MAP3K4: variants seen among roughly 807,000 people sequenced by gnomAD.
The protein encoded by MAP3K4 is mitogen-activated protein kinase kinase kinase 4.
A neutral mutation model predicts 185.6 loss-of-function variants in MAP3K4; 67 were observed. The observed-to-expected ratio is 0.36, with a 90% confidence interval of 0.30 to 0.44. MAP3K4 has a LOEUF of 0.44. MAP3K4 is among the 20% of genes least tolerant of loss of function. The pLI is 1.00. For missense variants in MAP3K4, 1,551 were observed against 1,995.1 expected, an observed-to-expected ratio of 0.78 and a Z score of 4.24; for synonymous variants, 702 against 710.4, an observed-to-expected ratio of 0.99 and a Z score of 0.19.
chr6:161,022,154 C>T lies in MAP3K4; in HGVS notation c.153-12105C>T, dbSNP rs369797486. 6 of 152,332 alleles carry T rather than the reference C, an allele frequency of 3.9e-5. No homozygotes were observed. The East Asian group carries it at 7.7e-4, about 20-fold the overall frequency. 9.4% of individuals were successfully genotyped at this position (152,332 alleles called of 1,614,324 possible). ...ATGTGAAAGGAACGGAGACTCAAGC[C>T]TGATCTGATGAGGCTGTGTTAGAAG... On this transcript the variant is annotated intron_variant, in intron 1 of 26. Coordinates refer to ENST00000392142, the MANE Select transcript of MAP3K4 (RefSeq NM_005922.4). This position sits in a 1 kb window ranked among gnomAD's most constrained non-coding sequence, Gnocchi z 4.2.
intron 18 of MAP3K4, among the ~76,000 whole-genome samples, chr6:161,102,448 GTA>G (rs1464604469): frequency 1.3e-5 from 2 of 152,062 alleles, no homozygotes; most frequent in Non-Finnish European, 2.9e-5. Flanking sequence ...TTTTTGCACA[GTA>G]TTCTGTTGTC....
In MAP3K4 at chr6:161,087,016, G is replaced by T. The variant is rs1583214723; in HGVS notation, c.2556+349G>T. Among the ~76,000 whole-genome samples the T allele has an allele frequency of 6.6e-6, 1 of 152,090 alleles. No homozygotes were observed. On this transcript the variant is annotated intron_variant, in intron 9 of 26. Coordinates refer to ENST00000392142, the MANE Select transcript of MAP3K4 (RefSeq NM_005922.4). The surrounding 1 kb of genome is among the most constrained non-coding windows in gnomAD (Gnocchi z 4.9). ...TTATATTTCCTGATGCAGTTCAAAG[G>T]TTTTACAGTGAATCTTTGACATCAA...
At chr6:161,092,897 A>G in intron 13 of MAP3K4, 81 bp from the exon 14 acceptor site, 1 of 766,346 alleles carries the variant, frequency 1.3e-6, no homozygotes, top group Non-Finnish European at 2.2e-6. Context: ...TAATTATGTT[A>G]CTTTTCAGTA....
At position 161,042,503 on chromosome 6, in the gene MAP3K4, A is replaced by G. The variant is rs374184053; in HGVS notation, c.344-6113A>G. Among the ~76,000 whole-genome samples, 9 of 152,272 alleles carry G rather than the reference A, an allele frequency of 5.9e-5. No individual in the cohort carries two copies. In the East Asian group the frequency reaches 1.7e-3, roughly 29 times the overall value. On this transcript the variant is annotated intron_variant, in intron 2 of 26. Transcript: ENST00000392142. Reference sequence around the variant, plus strand: ...TGTGGTGAGTGTTAAGTTTAACACCACAGGAGCTAGCTGCGGTGTTATTTG... The same window carrying G: ...TGTGGTGAGTGTTAAGTTTAACACCGCAGGAGCTAGCTGCGGTGTTATTTG...
chr6:161,017,753 A>G lies in MAP3K4; in HGVS notation c.153-16506A>G, dbSNP rs1046656445. 2.0e-5 allele frequency among the ~76,000 whole-genome samples: 3 copies of G among 152,190 alleles called. No individual in the cohort carries two copies. Among genetic ancestry groups the G allele is most frequent in the African/African-American group, 7.2e-5 (3 of 41,460 alleles). On this transcript the variant is annotated intron_variant, in intron 1 of 26. Transcript: ENST00000392142. The surrounding 1 kb of genome is among the most constrained non-coding windows in gnomAD (Gnocchi z 5.1). ...TTCCTTTCTCCTTTGCTTCCTAAAGACACTGCTGTGTGATCCTATTATATA... is the reference window on the plus strand; with the variant it reads ...TTCCTTTCTCCTTTGCTTCCTAAAGGCACTGCTGTGTGATCCTATTATATA...
At position 161,117,168 on chromosome 6, in the gene MAP3K4, G is replaced by A. The variant is rs928330709; in HGVS notation, c.*298G>A. 1.4e-4 allele frequency: 51 copies of A among 368,228 alleles called. No individual in the cohort carries two copies. Among genetic ancestry groups the A allele is most frequent in the African/African-American group, 9.4e-4 (45 of 48,056 alleles). The allele number at this position is 368,228 out of a possible 1,614,324, so 22.8% of individuals were successfully genotyped here. ...CGCGACTGAGAACCGTGACATCAGC[G>A]TAGTGTTTTGACCTTTCTAGGTTCA... is the stretch of plus-strand genomic sequence containing the variant. On this transcript the variant is annotated 3_prime_UTR_variant, in exon 27 of 27. Coordinates refer to ENST00000392142, the MANE Select transcript of MAP3K4 (RefSeq NM_005922.4).
At chr6:161,099,791 A>G (rs1373010574) in intron 17 of MAP3K4, among the ~76,000 whole-genome samples, 1 of 152,182 alleles carries the variant, frequency 6.6e-6, no homozygotes, top group Admixed American at 6.5e-5. Flanking sequence ...GTTTTAAGGC[A>G]TTTGTAAGTT....
rs776767870 is a variant in MAP3K4, at chr6:161,112,744, G to T, written c.4596G>T (p.Gly1532=). 5 of 1,607,824 alleles carry T rather than the reference G, an allele frequency of 3.1e-6. No homozygotes were observed. Among genetic ancestry groups the T allele is most frequent in the Non-Finnish European group, 4.2e-6 (5 of 1,177,728 alleles). ...HGRAADIWSL[G]CVVIEMVTGK... is the part of the protein sequence containing the mutation. ...GTGCGGCCGACATCTGGAGTCTGGG[G>T]TGTGTTGTCATAGAGATGGTGACTG... The change falls in exon 25 of 27, where the codon GGG becomes GGT. Residue 1532 remains glycine (G), a synonymous_variant. Transcript: ENST00000392142. This position sits in a 1 kb window ranked among gnomAD's most constrained non-coding sequence, Gnocchi z 5.1.
In MAP3K4 at chr6:161,087,609, C is replaced by G; in HGVS notation, c.2557-79C>G. On this transcript the variant is annotated intron_variant, in intron 9 of 26. Coordinates refer to ENST00000392142, the MANE Select transcript of MAP3K4 (RefSeq NM_005922.4). This position sits in a 1 kb window ranked among gnomAD's most constrained non-coding sequence, Gnocchi z 4.9. ...CTTTCCCTTTCCCAAACCTGCCTCT[C>G]CTTTCCTAGGTTTGTTTTAAATAAC... 1 of 1,487,530 alleles carries G rather than the reference C, an allele frequency of 6.7e-7. No homozygotes were observed. Among genetic ancestry groups the G allele is most frequent in the Non-Finnish European group, 9.2e-7 (1 of 1,081,712 alleles). The allele number at this position is 1,487,530 out of a possible 1,614,324, so 92.1% of individuals were successfully genotyped here.
chr6:161,027,007 T>G (rs983716196), intron 1 of MAP3K4, among the ~76,000 whole-genome samples: 3 of 152,184 alleles, frequency 2.0e-5, no homozygotes, highest in Non-Finnish European at 4.4e-5. Context: ...TTTTATTTAG[T>G]TCAGGACCGA....
chr6:161,094,421 A>G (rs965629793), intron 15 of MAP3K4, among the ~76,000 whole-genome samples: 11 of 152,246 alleles, frequency 7.2e-5, no homozygotes, highest in African/African-American at 2.4e-4. Context: ...ACAATTTTAC[A>G]GTAACAATGA....
chr6:161,033,842 C>T (rs1783037396), intron 1 of MAP3K4, among the ~76,000 whole-genome samples: 1 of 152,216 alleles, frequency 6.6e-6, no homozygotes, highest in Admixed American at 6.5e-5. Context: ...CAGGACTGAA[C>T]TTGCCCACTC....
chr6:161,101,905 C>T lies in MAP3K4; in HGVS notation c.3688C>T (p.Pro1230Ser). ...SAHDTRGSSV[P>S]ENDRLASIAA... ...ATATTAAAACAGGGGTTCCAGCGTT[C>T]CTGAAAATGATCGATTGGCTTCCAT... is the stretch of plus-strand genomic sequence containing the variant. The change falls in exon 18 of 27, where the codon CCT (proline) becomes TCT (serine). Residue 1230 changes from proline (P) to serine (S), a missense_variant. By Grantham distance (74) the Pro-to-Ser change is moderately conservative (BLOSUM62 -1). Around this residue, in one of 16 missense-constraint regions of MAP3K4, gnomAD observed 272 missense variants for 301.2 expected, o/e 0.90. Coordinates refer to ENST00000392142, the MANE Select transcript of MAP3K4 (RefSeq NM_005922.4). This position sits in a 1 kb window ranked among gnomAD's most constrained non-coding sequence, Gnocchi z 5.1. 1 of 1,613,830 alleles carries T rather than the reference C, an allele frequency of 6.2e-7. No homozygotes were observed. The highest frequency in any genetic ancestry group is 1.3e-5 in the African/African-American group (1 of 75,022).
intron 1 of MAP3K4, among the ~76,000 whole-genome samples, chr6:161,028,822 T>A (rs1782790893): frequency 6.6e-6 from 1 of 152,134 alleles, no homozygotes; most frequent in Non-Finnish European, 1.5e-5. Context: ...AAGCTCGAGG[T>A]TTGACCGTTC....
At position 161,034,126 on chromosome 6, in the gene MAP3K4, T is replaced by G; in HGVS notation, c.153-133T>G. 1.6e-6 allele frequency: 1 copy of G among 608,136 alleles called. No homozygotes were observed. Among genetic ancestry groups the G allele is most frequent in the Non-Finnish European group, 2.7e-6 (1 of 373,090 alleles). The allele number at this position is 608,136 out of a possible 1,614,324, so 37.7% of individuals were successfully genotyped here. On this transcript the variant is annotated intron_variant, in intron 1 of 26. Transcript: ENST00000392142. This position sits in a 1 kb window ranked among gnomAD's most constrained non-coding sequence, Gnocchi z 4.4. The stretch of plus-strand genomic sequence containing the variant: ...CCTTTTGAGTTTTCACAGGTAAAAA[T>G]GAGGAGGAGCACAGTGCTGAAGAGA...
intron 1 of MAP3K4, among the ~76,000 whole-genome samples, chr6:161,003,277 T>TTTC (rs1781414458): frequency 6.6e-6 from 1 of 152,012 alleles, no homozygotes; most frequent in Non-Finnish European, 1.5e-5. Flanking sequence ...AAAAGCATAT[T>TTTC]CTAAATTGTA....
rs745454583 is a variant in MAP3K4, at chr6:161,048,927, C to T, written c.655C>T (p.Pro219Ser). Reference protein sequence around the residue: ...PARQTSRTDCPADRLKFFETL... With the variant: ...PARQTSRTDCSADRLKFFETL... The stretch of plus-strand genomic sequence containing the variant: ...ACGCCAGACTTCTAGGACTGACTGT[C>T]CAGCAGATCGTTTAAAGTTTTTTGA... Residue 219 changes from proline (P) to serine (S), a missense_variant, in exon 3 of 27, where the codon CCA becomes TCA. Coordinates refer to ENST00000392142, the MANE Select transcript of MAP3K4 (RefSeq NM_005922.4). This position sits in a 1 kb window ranked among gnomAD's most constrained non-coding sequence, Gnocchi z 4.7. 1 of 1,614,036 alleles carries T rather than the reference C, an allele frequency of 6.2e-7. No individual in the cohort carries two copies. The highest frequency in any genetic ancestry group is 1.7e-5 in the Admixed American group (1 of 59,982).
Position 161,091,712 on chromosome 6 carries a change from A to T in MAP3K4, c.3135+172A>T, listed in dbSNP as rs1323956733. On this transcript the variant is annotated intron_variant, in intron 12 of 26. Transcript: ENST00000392142. This position sits in a 1 kb window ranked among gnomAD's most constrained non-coding sequence, Gnocchi z 5.5. ...GATGTTAGTTTACTTTTAAACTGTT[A>T]GGTAATTGTCCAACTTTTATTTTGT... Among the ~76,000 whole-genome samples the T allele has an allele frequency of 6.6e-6, 1 of 152,212 alleles. No homozygotes were observed. The highest frequency in any genetic ancestry group is 2.4e-5 in the African/African-American group (1 of 41,450).
At chr6:161,025,343 C>G (rs1301163596) in intron 1 of MAP3K4, among the ~76,000 whole-genome samples, 2 of 152,218 alleles carry the variant, frequency 1.3e-5, no homozygotes, top group African/African-American at 2.4e-5. Flanking sequence ...CGAGCTCTTT[C>G]TGTGCCGTCA....
Sources: allele counts gnomAD v4.1 joint callset (sites outside exome capture counted in the v4.1 genomes callset), GRCh38; gene constraint gnomAD v4.1.1; regional missense constraint gnomAD v4.1.1; non-coding constraint Gnocchi (gnomAD v3.1); transcripts MANE v1.5; gene names NCBI Gene and HGNC (gene_info 2026-07-23, HGNC 2026-07-21).